The following TNIK variants were observed in gnomAD, a reference collection of about 807,000 sequenced individuals.
TNIK encodes TRAF2 and NCK-interacting protein kinase.
Under a neutral mutation model 191.3 loss-of-function variants are expected in TNIK, and 49 were observed. That is an observed-to-expected ratio of 0.26 (90% CI 0.20 to 0.32). The LOEUF is 0.32. Among genes scored for constraint, TNIK ranks in the 10% least tolerant of loss-of-function variants. The pLI, the probability that TNIK is intolerant of heterozygous loss-of-function variation, is 1.00. For synonymous variants in TNIK, 594 were observed against 600.9 expected, an observed-to-expected ratio of 0.99 and a Z score of 0.17; for missense variants, 1,155 against 1,702.3, an observed-to-expected ratio of 0.68 and a Z score of 5.66.
At chr3:171,374,336 G>A (rs1054879269) in intron 1 of TNIK, among the ~76,000 whole-genome samples, 3 of 152,182 alleles carry the variant, frequency 2.0e-5, no homozygotes, top group Admixed American at 6.5e-5. Flanking sequence ...TGTGCCTCAC[G>A]TGCATTGAGA....
intron 1 of TNIK, among the ~76,000 whole-genome samples, chr3:171,390,961 C>T (rs1018730830): frequency 2.0e-5 from 3 of 152,186 alleles, no homozygotes; most frequent in African/African-American, 7.2e-5. Context: ...CTTAGGTGAC[C>T]TTTCAACGGT....
At chr3:171,082,217 T>C in intron 27 of TNIK, 34 bp downstream of exon 27, 2 of 1,603,622 alleles carry the variant, frequency 1.2e-6, no homozygotes, top group Non-Finnish European at 1.7e-6. Context: ...TCCCGCTGTA[T>C]GGACCTGGGG....
chr3:171,126,227 G>GAAAA, intron 16 of TNIK, 76 bp from the exon 17 acceptor site: 1 of 1,108,224 alleles, frequency 9.0e-7, no homozygotes, highest in South Asian at 2.5e-5. Flanking sequence ...TGAGCTGAAG[G>GAAAA]AAAAAAAAAA....
intron 2 of TNIK, among the ~76,000 whole-genome samples, chr3:171,365,161 CTTTTTTTTTTTTTTTTTTTTTTTTTT>C (rs60887361): frequency 6.3e-5 from 2 of 31,934 alleles, no homozygotes; most frequent in African/African-American, 8.9e-5. Flanking sequence ...GGACTACATT[CTTTTTTTTTTTTTTTTTTTTTTTTTT>C]TTTTTTTTTT....
intron 7 of TNIK, among the ~76,000 whole-genome samples, chr3:171,184,556 T>G (rs1737124042): frequency 6.6e-6 from 1 of 152,228 alleles, no homozygotes; most frequent in African/African-American, 2.4e-5. Context: ...GACACTAACA[T>G]GCTATCTGGG....
rs1387279042 is a variant in TNIK, at chr3:171,105,383, C to T, written c.2406+1800G>A. ...GATGCCAGTACCACTGCCTGCTACT[C>T]TGAAGTGGTGACAACCAAAACTGTC... On this transcript the variant is annotated intron_variant, in intron 21 of 32. Transcript: ENST00000436636. 2.6e-5 allele frequency among the ~76,000 whole-genome samples: 4 copies of T among 152,186 alleles called. No individual in the cohort carries two copies. In the East Asian group the frequency reaches 7.7e-4, roughly 29 times the overall value.
At position 171,062,085 on chromosome 3, in the gene TNIK, C is replaced by T. The variant is rs1244292955; in HGVS notation, c.*1796G>A. 1.3e-5 allele frequency: 2 copies of T among 152,108 alleles called. No individual in the cohort carries two copies. The highest frequency in any genetic ancestry group is 6.6e-5 in the Admixed American group (1 of 15,260). The allele number at this position is 152,108 out of a possible 1,614,324, so 9.4% of individuals were successfully genotyped here. On this transcript the variant is annotated 3_prime_UTR_variant, in exon 33 of 33. Coordinates refer to ENST00000436636, the MANE Select transcript of TNIK (RefSeq NM_015028.4). The stretch of plus-strand genomic sequence containing the variant: ...CCCAAACCACTAGATTGAAATGGCT[C>T]CATTTTCCTAATGTGTATTTCGTTC...
In TNIK at chr3:171,059,178, A is replaced by G. The variant is rs1478961005; in HGVS notation, c.*4703T>C. ...GAGTGAGTTTGAAGATATGTACACA[A>G]ACTCAAAAATCTGTAAACTTTAGGA... On this transcript the variant is annotated 3_prime_UTR_variant, in exon 33 of 33. Transcript: ENST00000436636. Among the ~76,000 whole-genome samples, 2 of 152,226 alleles carry G rather than the reference A, an allele frequency of 1.3e-5. No individual in the cohort carries two copies. The highest frequency in any genetic ancestry group is 2.9e-5 in the Non-Finnish European group (2 of 68,036).
At chr3:171,146,866 C>G (rs1295495882) in intron 12 of TNIK, among the ~76,000 whole-genome samples, 2 of 148,014 alleles carry the variant, frequency 1.4e-5, no homozygotes, top group Non-Finnish European at 3.0e-5. Context: ...CGAGATTGTG[C>G]CTGGGTGACA....
At chr3:171,303,656 C>T (rs1437915613) in intron 2 of TNIK, among the ~76,000 whole-genome samples, 1 of 152,184 alleles carries the variant, frequency 6.6e-6, no homozygotes, top group Non-Finnish European at 1.5e-5. Flanking sequence ...AACCTTAGAA[C>T]TGAGCATCCC....
rs1354537273 is a variant in TNIK, at chr3:171,383,444, AG to A, written c.58-13760del. ...ACGTTCTCTGACTGCTGGCATGAAC[AG>A]TTATAATCTCAGCATCACTGTGGCA... is the stretch of plus-strand genomic sequence containing the variant. On this transcript the variant is annotated intron_variant, in intron 1 of 32. Coordinates refer to ENST00000436636, the MANE Select transcript of TNIK (RefSeq NM_015028.4). Among the ~76,000 whole-genome samples the A allele has an allele frequency of 2.0e-5, 3 of 152,230 alleles. No homozygotes were observed. In the East Asian group the frequency reaches 5.8e-4, roughly 29 times the overall value.
chr3:171,108,747 T>C (rs1334781965), intron 19 of TNIK, among the ~76,000 whole-genome samples: 2 of 151,946 alleles, frequency 1.3e-5, no homozygotes, highest in East Asian at 1.9e-4. Context: ...CGGTTTTTAA[T>C]TGGAGATGGG....
rs748798545 is a variant in TNIK, at chr3:171,128,789, T to TG, written c.1697dup (p.Arg567LysfsTer8). The TG allele has an allele frequency of 6.2e-7, 1 of 1,606,138 alleles. No individual in the cohort carries two copies. The highest frequency in any genetic ancestry group is 1.7e-5 in the Admixed American group (1 of 58,828). ...CACTAATGCTGAAGGACTCCGACCT[T>TG]GGGGGCAGGTTGGGGTCAGATATCC... On this transcript the variant is annotated frameshift_variant, in exon 16 of 33. Coordinates refer to ENST00000436636, the MANE Select transcript of TNIK (RefSeq NM_015028.4). LOFTEE classifies it high-confidence loss of function.
chr3:171,344,322 A>G (rs1370668490), intron 2 of TNIK, among the ~76,000 whole-genome samples: 1 of 152,166 alleles, frequency 6.6e-6, no homozygotes, highest in Non-Finnish European at 1.5e-5. Context: ...CTTTCCATAA[A>G]TAAATATTCT....
At chr3:171,335,961 T>A in intron 2 of TNIK, among the ~76,000 whole-genome samples, 1 of 152,192 alleles carries the variant, frequency 6.6e-6, no homozygotes, top group East Asian at 1.9e-4. Flanking sequence ...TTTTTAACTT[T>A]AGTCATACAG....
At chr3:171,246,916 C>T (rs1316303557) in intron 2 of TNIK, among the ~76,000 whole-genome samples, 1 of 152,174 alleles carries the variant, frequency 6.6e-6, no homozygotes, top group African/African-American at 2.4e-5. Flanking sequence ...GACTTTAATT[C>T]AGTCCTAAAA....
At chr3:171,344,904 T>C (rs1223004677) in intron 2 of TNIK, among the ~76,000 whole-genome samples, 1 of 152,162 alleles carries the variant, frequency 6.6e-6, no homozygotes, top group Non-Finnish European at 1.5e-5. Context: ...CTAAATGATT[T>C]AGGAGCTGCC....
intron 1 of TNIK, among the ~76,000 whole-genome samples, chr3:171,410,693 G>A (rs1284852310): frequency 4.1e-5 from 6 of 147,720 alleles, no homozygotes; most frequent in African/African-American, 1.5e-4. Context: ...GCAGGAGAAT[G>A]GCATGAACCC....
chr3:171,312,396 T>TAA (rs904006847), intron 2 of TNIK, among the ~76,000 whole-genome samples: 39 of 151,878 alleles, frequency 2.6e-4, no homozygotes, highest in African/African-American at 9.4e-4. Flanking sequence ...TTTTCAAACT[T>TAA]AAAAAAAACA....
Sources: gnomAD v4.1 joint callset for allele counts (sites outside exome capture counted in the v4.1 genomes callset) on GRCh38, gnomAD v4.1.1 for gene constraint, MANE v1.5 for transcripts, NCBI Gene and HGNC (gene_info 2026-07-23, HGNC 2026-07-21) for gene names.